The following PIBF1 variants were observed in gnomAD, a reference collection of about 807,000 sequenced individuals.
PIBF1 encodes progesterone-induced-blocking factor 1.
Under a neutral mutation model 112.5 loss-of-function variants are expected in PIBF1, and 90 were observed. That is an observed-to-expected ratio of 0.80 (90% confidence interval 0.67 to 0.95). The LOEUF is 0.95. PIBF1 is among the 40% of genes least tolerant of loss of function. The pLI is 0.00. For synonymous variants in PIBF1, 301 were observed against 288.6 expected, an observed-to-expected ratio of 1.04 and a Z score of -0.44; for missense variants, 915 against 852.3, an observed-to-expected ratio of 1.07 and a Z score of -0.92.
intron 14 of PIBF1, among the ~76,000 whole-genome samples, chr13:72,953,640 G>A (rs2042362760): frequency 6.6e-6 from 1 of 152,130 alleles, no homozygotes; most frequent in Non-Finnish European, 1.5e-5. Flanking sequence ...AATGTACTGG[G>A]CACATGGACA....
intron 16 of PIBF1, among the ~76,000 whole-genome samples, chr13:72,989,596 A>C (rs2043406489): frequency 1.3e-5 from 2 of 152,184 alleles, no homozygotes; most frequent in Non-Finnish European, 2.9e-5. Flanking sequence ...GGGGCATGGC[A>C]GGATAGGAGG....
rs894486009 is a variant in PIBF1, at chr13:72,910,368, C to T, written c.1639+1687C>T. On this transcript the variant is annotated intron_variant, in intron 12 of 17. Transcript: ENST00000326291. Reference sequence around the variant, plus strand: ...AGACTCATGTTTATCTTTCTGCTTTCATATCTTGCCATTCCCCTCCATATC... The same window carrying T: ...AGACTCATGTTTATCTTTCTGCTTTTATATCTTGCCATTCCCCTCCATATC... 3.9e-5 allele frequency among the ~76,000 whole-genome samples: 6 copies of T among 152,236 alleles called. No homozygotes were observed. In the East Asian group the frequency reaches 1.2e-3, roughly 29 times the overall value.
intron 16 of PIBF1, among the ~76,000 whole-genome samples, chr13:72,992,148 G>C (rs1261480072): frequency 6.6e-6 from 1 of 152,076 alleles, no homozygotes; most frequent in Non-Finnish European, 1.5e-5. Flanking sequence ...AGCTACAGTC[G>C]CATCACTGCA....
chr13:72,967,416 A>T (rs1229717261), intron 15 of PIBF1, among the ~76,000 whole-genome samples: 1 of 152,234 alleles, frequency 6.6e-6, no homozygotes, highest in East Asian at 1.9e-4. Flanking sequence ...AATAATAGCT[A>T]GCTGTAGGAG....
chr13:73,015,955 A>ATG lies in PIBF1; in HGVS notation c.*36_*37insTG. 1 of 1,329,454 alleles carries ATG rather than the reference A, an allele frequency of 7.5e-7. No homozygotes were observed. Among genetic ancestry groups the ATG allele is most frequent in the Non-Finnish European group, 1.0e-6 (1 of 980,496 alleles). 82.4% of individuals were successfully genotyped at this position (1,329,454 alleles called of 1,614,324 possible). A position where few individuals can be genotyped will look rare whatever the true frequency, so the allele number is the denominator to read the frequency against. The stretch of plus-strand genomic sequence containing the variant: ...GGGAAGCACCTGTAGACCATTATAT[A>ATG]CTCCTGAAGTTCTTTTTCTGATGGA... On this transcript the variant is annotated 3_prime_UTR_variant, in exon 18 of 18. Coordinates refer to ENST00000326291, the MANE Select transcript of PIBF1 (RefSeq NM_006346.4).
chr13:72,856,300 A>G (rs1167447418), intron 10 of PIBF1, among the ~76,000 whole-genome samples: 2 of 152,200 alleles, frequency 1.3e-5, no homozygotes, highest in African/African-American at 2.4e-5. Flanking sequence ...ACAAGTTGAT[A>G]TCTTTCCAAC....
intron 9 of PIBF1, among the ~76,000 whole-genome samples, chr13:72,852,469 G>T (rs1222030973): frequency 6.6e-6 from 1 of 152,160 alleles, no homozygotes; most frequent in Non-Finnish European, 1.5e-5. Context: ...ACCCCTTGCT[G>T]CTCTGCACTT....
At chr13:72,816,946 A>C (rs886383158) in intron 5 of PIBF1, among the ~76,000 whole-genome samples, 2 of 152,184 alleles carry the variant, frequency 1.3e-5, no homozygotes, top group African/African-American at 4.8e-5. Context: ...GACAGCCTAT[A>C]GCAGTCAAAG....
chr13:72,853,059 TA>T (rs35684060), intron 9 of PIBF1, among the ~76,000 whole-genome samples: 31,952 of 148,336 alleles, frequency 0.22, 3,455 homozygotes, highest in Middle Eastern at 0.27. Context: ...GAAGGAGATT[TA>T]AAAAAAAAAA....
intron 5 of PIBF1, among the ~76,000 whole-genome samples, chr13:72,803,455 A>T (rs1314907899): frequency 1.3e-5 from 2 of 152,144 alleles, no homozygotes; most frequent in Non-Finnish European, 2.9e-5. Flanking sequence ...TCCGTGTAAT[A>T]AAAAGAGTCA....
intron 14 of PIBF1, among the ~76,000 whole-genome samples, chr13:72,952,959 G>T (rs963168913): frequency 6.6e-6 from 1 of 151,936 alleles, no homozygotes; most frequent in Non-Finnish European, 1.5e-5. Context: ...AGTAGGAGGT[G>T]CCCATAGGTA....
At chr13:72,817,207 A>G (rs1256612834) in intron 5 of PIBF1, among the ~76,000 whole-genome samples, 2 of 152,146 alleles carry the variant, frequency 1.3e-5, no homozygotes, top group African/African-American at 4.8e-5. Flanking sequence ...TTCATTTATT[A>G]AAGATTTATT....
intron 10 of PIBF1, among the ~76,000 whole-genome samples, chr13:72,857,379 T>C (rs78280473): frequency 1.6e-3 from 246 of 152,374 alleles, no homozygotes; most frequent in African/African-American, 5.7e-3. Context: ...ATAAACTTGA[T>C]TCCCTACAAA....
In PIBF1 at chr13:72,904,433, C is replaced by CTTTTTTTTTTTTTTTTTTTTTTTTTTT. The variant is rs71099767; in HGVS notation, c.1489-4073_1489-4072insTTTTTTTTTTTTTTTTTTTTTTTTTTT. Among the ~76,000 whole-genome samples, 43 of 36,552 alleles carry CTTTTTTTTTTTTTTTTTTTTTTTTTTT rather than the reference C, an allele frequency of 1.2e-3. 8 individuals carry two copies. The highest frequency in any genetic ancestry group is 2.2e-3 in the East Asian group (2 of 902). 24.0% of individuals were successfully genotyped at this position (36,552 alleles called of 152,430 possible). ...ATTTATCCAAAATATCAAAATATTTCTTTTTTTTTTTTTTTTTTTTTTTTT... is the reference window on the plus strand; with the variant it reads ...ATTTATCCAAAATATCAAAATATTTCTTTTTTTTTTTTTTTTTTTTTTTTTTTTTTTTTTTTTTTTTTTTTTTTTTTT... On this transcript the variant is annotated intron_variant, in intron 11 of 17. Transcript: ENST00000326291.
chr13:72,936,073 G>A (rs2041865460), intron 14 of PIBF1, among the ~76,000 whole-genome samples: 1 of 151,826 alleles, frequency 6.6e-6, no homozygotes, highest in Non-Finnish European at 1.5e-5. Context: ...TGTTGCCCAG[G>A]TTGGAGCGCA....
In PIBF1 at chr13:72,782,222, C is replaced by T. The variant is rs183822103; in HGVS notation, c.-175C>T. 1.4e-3 allele frequency: 276 copies of T among 197,742 alleles called. 2 individuals carry two copies. The East Asian group carries it at 0.018, about 13-fold the overall frequency. The allele number at this position is 197,742 out of a possible 1,614,324, so 12.2% of individuals were successfully genotyped here. On this transcript the variant is annotated 5_prime_UTR_variant, in exon 1 of 18. Coordinates refer to ENST00000326291, the MANE Select transcript of PIBF1 (RefSeq NM_006346.4). Reference sequence around the variant, plus strand: ...TGTCTTGGTTACGGGTCCTAACGGTCCCCTGCCTTGAAATCCCTTGTTGAG... The same window carrying T: ...TGTCTTGGTTACGGGTCCTAACGGTTCCCTGCCTTGAAATCCCTTGTTGAG...
chr13:72,887,069 A>G lies in PIBF1; in HGVS notation c.1323-6715A>G, dbSNP rs116004566. On this transcript the variant is annotated intron_variant, in intron 10 of 17. Coordinates refer to ENST00000326291, the MANE Select transcript of PIBF1 (RefSeq NM_006346.4). ...TTTTTTTTTTTCCAACTCACTGGAAATCTGTGGGCTCTATAATTTTATATG... is the reference window on the plus strand; with the variant it reads ...TTTTTTTTTTTCCAACTCACTGGAAGTCTGTGGGCTCTATAATTTTATATG... Among the ~76,000 whole-genome samples, 1,187 of 150,182 alleles carry G rather than the reference A, an allele frequency of 7.9e-3. 14 individuals are homozygous for G. Among genetic ancestry groups the G allele is most frequent in the African/African-American group, 0.027 (1,118 of 41,062 alleles).
At chr13:72,827,150 AT>A in intron 7 of PIBF1, 32 bp downstream of exon 7, 2 of 1,074,816 alleles carry the variant, frequency 1.9e-6, no homozygotes, top group Non-Finnish European at 1.3e-6. Flanking sequence ...CTTATATTAT[AT>A]AGCATAGTAT....
chr13:72,887,499 G>A, intron 10 of PIBF1, among the ~76,000 whole-genome samples: 1 of 151,762 alleles, frequency 6.6e-6, no homozygotes, highest in Non-Finnish European at 1.5e-5. Flanking sequence ...ACTAACCAAA[G>A]ACCTATACCA....
Sources: gnomAD v4.1 joint callset for allele counts (sites outside exome capture counted in the v4.1 genomes callset) on GRCh38, gnomAD v4.1.1 for gene constraint, MANE v1.5 for transcripts, NCBI Gene and HGNC (gene_info 2026-07-23, HGNC 2026-07-21) for gene names.